Variants in STARD9 observed in about 807,000 individuals in gnomAD.
The protein encoded by STARD9 is stAR-related lipid transfer protein 9.
Under a neutral mutation model 399.8 loss-of-function variants are expected in STARD9, and 346 were observed. The ratio of observed to expected loss-of-function variants is 0.87; its 90% CI spans 0.79 to 0.95. STARD9 has a LOEUF of 0.95. STARD9 is among the 40% of genes least tolerant of loss of function. STARD9 has a pLI of 0.00. For synonymous variants in STARD9, 2,203 were observed against 2,143.5 expected, an observed-to-expected ratio of 1.03 and a Z score of -0.77; for missense variants, 5,832 against 5,667.5, an observed-to-expected ratio of 1.03 and a Z score of -0.93.
chr15:42,606,992 G>A (rs1192151556), intron 3 of STARD9, among the ~76,000 whole-genome samples: 1 of 151,904 alleles, frequency 6.6e-6, no homozygotes, highest in Non-Finnish European at 1.5e-5. Context: ...CTGTCTCCCA[G>A]GCTGGAGTGC....
In STARD9 at chr15:42,685,533, G is replaced by A. The variant is rs867583549; in HGVS notation, c.3955G>A (p.Asp1319Asn). 1.4e-4 allele frequency: 217 copies of A among 1,537,458 alleles called. No individual in the cohort carries two copies. The highest frequency in any genetic ancestry group is 1.8e-4 in the Non-Finnish European group (202 of 1,146,988). ...QVEPSYSEQA[D>N]SLQGMQLSRE... is the part of the protein sequence containing the mutation. ...AGAGCCAAGCTACTCTGAACAAGCCGACTCTCTCCAAGGCATGCAGCTTTC... is the reference window on the plus strand; with the variant it reads ...AGAGCCAAGCTACTCTGAACAAGCCAACTCTCTCCAAGGCATGCAGCTTTC... Residue 1319 changes from aspartate (D) to asparagine (N), a missense_variant, in exon 23 of 33, where the codon GAC becomes AAC. This residue lies in a region of STARD9 where 5,828 missense variants were observed against 5,651.1 expected (regional missense o/e 1.03). Transcript: ENST00000290607.
rs1468839177 is a variant in STARD9, at chr15:42,694,038, G to T, written c.12460G>T (p.Gly4154Trp). Residue 4154 changes from glycine (G) to tryptophan (W), a missense_variant, in exon 23 of 33, where the codon GGG becomes TGG. Transcript: ENST00000290607. ...NWCGVQKGSP[G>W]GLDMTEEELG... is the part of the protein sequence containing the mutation. ...GTGTGGGGTTCAGAAGGGCTCACCT[G>T]GGGGGTTGGACATGACTGAGGAGGA... The T allele has an allele frequency of 2.6e-6, 4 of 1,534,234 alleles. No individual in the cohort carries two copies. The Admixed American group carries it at 5.9e-5, about 23-fold the overall frequency.
At chr15:42,609,273 T>G (rs1423962081) in intron 3 of STARD9, among the ~76,000 whole-genome samples, 1 of 152,178 alleles carries the variant, frequency 6.6e-6, no homozygotes, top group African/African-American at 2.4e-5. Context: ...TTCTAAGCCC[T>G]CAGAACGTGA....
rs117416151 is a variant in STARD9 at position 42,619,758 on chromosome 15, A to T, written c.235-15098A>T. 2.1e-4 allele frequency among the ~76,000 whole-genome samples: 32 copies of T among 152,134 alleles called. 1 individual carries two copies. In the East Asian group the frequency reaches 6.0e-3, roughly 29 times the overall value. ...CTTGCTCCTCGCCTGCCTGCCCACC[A>T]CTCACCTCCTGCTGTGTGGCCTGGT... is the stretch of plus-strand genomic sequence containing the variant. On this transcript the variant is annotated intron_variant, in intron 3 of 32. Transcript: ENST00000290607.
intron 10 of STARD9, among the ~76,000 whole-genome samples, chr15:42,662,140 G>A (rs1285014994): frequency 1.3e-5 from 2 of 152,094 alleles, no homozygotes; most frequent in Admixed American, 1.3e-4. Context: ...AAGAAAAAAA[G>A]TTTAAAAAAT....
intron 26 of STARD9, among the ~76,000 whole-genome samples, chr15:42,707,717 A>G (rs1339377439): frequency 1.3e-5 from 2 of 152,118 alleles, no homozygotes; most frequent in Non-Finnish European, 2.9e-5. Flanking sequence ...TGATCCGCCC[A>G]TAAGATGAGA....
intron 3 of STARD9, among the ~76,000 whole-genome samples, chr15:42,608,274 G>A (rs899168912): frequency 4.7e-4 from 71 of 152,150 alleles, no homozygotes; most frequent in Admixed American, 4.0e-3. Flanking sequence ...TGGTTTGTGG[G>A]TAGTGTGGCT....
intron 3 of STARD9, among the ~76,000 whole-genome samples, chr15:42,627,121 C>T (rs2059242330): frequency 6.6e-6 from 1 of 152,072 alleles, no homozygotes; most frequent in South Asian, 2.1e-4. Context: ...CATGGCAAAA[C>T]TCCATCTCTA....
chr15:42,583,501 A>G (rs2058215041), intron 2 of STARD9, 86 bp downstream of exon 2: 1 of 983,702 alleles, frequency 1.0e-6, no homozygotes, highest in African/African-American at 1.6e-5. Context: ...GTATATGTGA[A>G]TGTGTTTAGA....
At chr15:42,699,341 T>G (rs550693791) in intron 26 of STARD9, among the ~76,000 whole-genome samples, 1 of 151,848 alleles carries the variant, frequency 6.6e-6, no homozygotes, top group East Asian at 1.9e-4. Context: ...CCCCAGCCTC[T>G]GGTAACCACT....
chr15:42,645,001 C>A (rs2059620182), intron 7 of STARD9, among the ~76,000 whole-genome samples: 1 of 152,150 alleles, frequency 6.6e-6, no homozygotes, highest in Non-Finnish European at 1.5e-5. Flanking sequence ...TCTTCAGGCT[C>A]CACTTCTCAT....
Position 42,686,414 on chromosome 15 carries a change from C to T in STARD9, c.4836C>T (p.Asn1612=), listed in dbSNP as rs764735305. Residue 1612 remains asparagine (N), a synonymous_variant, in exon 23 of 33, where the codon AAC becomes AAT. Coordinates refer to ENST00000290607, the MANE Select transcript of STARD9 (RefSeq NM_020759.3). ...ATGCACAGGTCTTTGCAACAGAGAA[C>T]GCGATACCAGATTCCATGACAGAAG... The part of the protein sequence containing the change: ...STNAQVFATE[N]AIPDSMTEAC... 1.6e-5 allele frequency: 24 copies of T among 1,537,578 alleles called. No homozygotes were observed. The highest frequency in any genetic ancestry group is 2.4e-5 in the South Asian group (2 of 84,068).
At chr15:42,674,740 T>C in intron 17 of STARD9, 87 bp from the exon 18 acceptor site, 1 of 1,441,172 alleles carries the variant, frequency 6.9e-7, no homozygotes, top group Non-Finnish European at 9.1e-7. Context: ...GTCTTCCAGA[T>C]TTTGGATTCT....
intron 26 of STARD9, among the ~76,000 whole-genome samples, chr15:42,715,669 G>A (rs953821322): frequency 2.0e-5 from 3 of 152,166 alleles, no homozygotes; most frequent in East Asian, 1.9e-4. Flanking sequence ...CACCACGCCC[G>A]GCTAATTTTT....
intron 11 of STARD9, 95 bp downstream of exon 11, chr15:42,662,986 T>A: frequency 1.0e-6 from 1 of 982,514 alleles, no homozygotes; most frequent in East Asian, 2.6e-5. Flanking sequence ...GGGTTCCTTT[T>A]GATAAGGTTA....
chr15:42,648,144 T>C (rs975342100), intron 7 of STARD9, among the ~76,000 whole-genome samples: 36 of 151,348 alleles, frequency 2.4e-4, no homozygotes, highest in African/African-American at 8.5e-4. Flanking sequence ...GGATCTGCTA[T>C]TGACAAGTTC....
In STARD9 at chr15:42,591,246, G is replaced by C. The variant is rs539573579; in HGVS notation, c.234+5609G>C. Among the ~76,000 whole-genome samples, 128 of 152,320 alleles carry C rather than the reference G, an allele frequency of 8.4e-4. 1 individual carries two copies. The highest frequency in any genetic ancestry group is 1.4e-3 in the Admixed American group (21 of 15,300). On this transcript the variant is annotated intron_variant, in intron 3 of 32. Transcript: ENST00000290607. ...CTCACGCCTGTAATCCTAGCACTTT[G>C]GGAGGCCAAGGCGGGTGGATCACCT...
At position 42,690,777 on chromosome 15, in the gene STARD9, A is replaced by T. The variant is rs1030725440; in HGVS notation, c.9199A>T (p.Thr3067Ser). Residue 3067 changes from threonine (T) to serine (S), a missense_variant, in exon 23 of 33, where the codon ACA (threonine) becomes TCA (serine). This residue lies in a region of STARD9 where 5,828 missense variants were observed against 5,651.1 expected (regional missense o/e 1.03). Coordinates refer to ENST00000290607, the MANE Select transcript of STARD9 (RefSeq NM_020759.3). ...CRSPSAPDVR[T>S]GSFSHSATDG... ...ATCCCCTTCTGCTCCTGACGTGAGG[A>T]CAGGTTCCTTCAGCCACTCAGCTAC... 1 of 1,537,218 alleles carries T rather than the reference A, an allele frequency of 6.5e-7. No homozygotes were observed. Among genetic ancestry groups the T allele is most frequent in the Non-Finnish European group, 8.7e-7 (1 of 1,146,896 alleles).
chr15:42,626,215 C>A (rs2059206145), intron 3 of STARD9, among the ~76,000 whole-genome samples: 1 of 152,178 alleles, frequency 6.6e-6, no homozygotes, highest in Non-Finnish European at 1.5e-5. Context: ...TGAGCCACCA[C>A]ACCTGGCAAG....
Sources: allele counts gnomAD v4.1 joint callset (sites outside exome capture counted in the v4.1 genomes callset), GRCh38; gene constraint gnomAD v4.1.1; regional missense constraint gnomAD v4.1.1; transcripts MANE v1.5; gene names NCBI Gene and HGNC (gene_info 2026-07-23, HGNC 2026-07-21).